DOCK1: variants seen among roughly 807,000 people sequenced by gnomAD.
DOCK1 encodes the protein dedicator of cytokinesis protein 1.
In DOCK1, 138 loss-of-function variants were observed where a neutral mutation model predicts 262.7. The ratio of observed to expected loss-of-function variants is 0.53; its 90% CI spans 0.46 to 0.61. The LOEUF is 0.61. Ranked by LOEUF, DOCK1 falls within the 20% of genes least tolerant of loss-of-function variation. DOCK1 has a pLI of 0.00. For missense variants in DOCK1, 1,908 were observed against 2,370.7 expected, an observed-to-expected ratio of 0.80 and a Z score of 4.05; for synonymous variants, 866 against 867.4, an observed-to-expected ratio of 1.00 and a Z score of 0.03.
chr10:127,085,985 AT>A (rs1278424550), intron 23 of DOCK1, among the ~76,000 whole-genome samples: 1 of 152,120 alleles, frequency 6.6e-6, no homozygotes, highest in African/African-American at 2.4e-5. Flanking sequence ...GCCTTTGGTG[AT>A]TTTATTCATA....
chr10:127,441,406 C>G (rs11018085), intron 49 of DOCK1, among the ~76,000 whole-genome samples: 42,942 of 152,198 alleles, frequency 0.28, 7,041 homozygotes, highest in East Asian at 0.44. Context: ...GCATCTGGCC[C>G]AGTGTCAGCT....
At chr10:127,359,638 A>G (rs1173215932) in intron 32 of DOCK1, among the ~76,000 whole-genome samples, 1 of 152,260 alleles carries the variant, frequency 6.6e-6, no homozygotes, top group Non-Finnish European at 1.5e-5. Context: ...TGAGAATCAC[A>G]CAATGATAGC....
intron 1 of DOCK1, among the ~76,000 whole-genome samples, chr10:126,951,729 A>G (rs1202815762): frequency 6.6e-6 from 1 of 152,042 alleles, no homozygotes; most frequent in African/African-American, 2.4e-5. Flanking sequence ...GCCTGGAGGC[A>G]GAAGACCTAA....
At chr10:127,018,682 G>A (rs775831978) in intron 12 of DOCK1, 28 bp from the exon 13 acceptor site, 15 of 1,613,804 alleles carry the variant, frequency 9.3e-6, no homozygotes, top group Middle Eastern at 3.3e-4. Flanking sequence ...GATAAAATGC[G>A]ACTTAAGAGC....
At chr10:126,940,684 G>A (rs1000875963) in intron 1 of DOCK1, among the ~76,000 whole-genome samples, 2 of 152,210 alleles carry the variant, frequency 1.3e-5, no homozygotes, top group South Asian at 2.1e-4. Context: ...GATTATAGGC[G>A]TGAGCCACTG....
At chr10:127,080,104 G>A (rs1395335867) in intron 23 of DOCK1, among the ~76,000 whole-genome samples, 7 of 152,026 alleles carry the variant, frequency 4.6e-5, no homozygotes, top group Non-Finnish European at 1.0e-4. Flanking sequence ...TTTGCGAGAG[G>A]AATGCAAAAA....
At position 127,362,100 on chromosome 10, in the gene DOCK1, G is replaced by T. The variant is rs1212431084; in HGVS notation, c.3320G>T (p.Gly1107Val). 1 of 1,613,110 alleles carries T rather than the reference G, an allele frequency of 6.2e-7. No homozygotes were observed. The highest frequency in any genetic ancestry group is 8.5e-7 in the Non-Finnish European group (1 of 1,179,666). ...ATAAAGTTCATTCCAGAAATGGTGGGCCCAATATTAGAAATGACATTAATT... is the reference window on the plus strand; with the variant it reads ...ATAAAGTTCATTCCAGAAATGGTGGTCCCAATATTAGAAATGACATTAATT... ...HKIKFIPEMV[G>V]PILEMTLIPE... Residue 1107 changes from glycine to valine, a missense_variant, in exon 33 of 52, where the codon GGC becomes GTC. Around this residue, in one of 9 missense-constraint regions of DOCK1, gnomAD observed 518 missense variants for 575.1 expected, o/e 0.90. Coordinates refer to ENST00000623213, the MANE Select transcript of DOCK1 (RefSeq NM_001290223.2).
chr10:127,034,509 G>T (rs182038020), intron 18 of DOCK1, among the ~76,000 whole-genome samples: 101 of 152,284 alleles, frequency 6.6e-4, no homozygotes, highest in Admixed American at 2.0e-3. Context: ...GTGGTCAGCA[G>T]TGCGGGGCTC....
At chr10:127,276,799 C>T (rs1040150648) in intron 29 of DOCK1, among the ~76,000 whole-genome samples, 2 of 136,128 alleles carry the variant, frequency 1.5e-5, no homozygotes, top group African/African-American at 5.0e-5. Context: ...TTTCCAATTC[C>T]TCTATTGCAG....
intron 51 of DOCK1, among the ~76,000 whole-genome samples, chr10:127,450,524 T>G (rs1196601716): frequency 2.0e-5 from 3 of 152,230 alleles, no homozygotes; most frequent in Non-Finnish European, 2.9e-5. Context: ...ATTCATTTAT[T>G]CACTCATTCA....
intron 1 of DOCK1, among the ~76,000 whole-genome samples, chr10:126,921,149 G>A (rs917465776): frequency 6.7e-6 from 1 of 149,600 alleles, no homozygotes; most frequent in African/African-American, 2.5e-5. Flanking sequence ...GCAGTGAGCC[G>A]AGGTCGCACC....
intron 27 of DOCK1, among the ~76,000 whole-genome samples, chr10:127,141,512 G>C (rs185734736): frequency 8.6e-4 from 131 of 152,218 alleles, no homozygotes; most frequent in Non-Finnish European, 1.8e-3. Context: ...AGACCAGTCT[G>C]GCCAACATGG....
At chr10:127,352,156 G>A (rs990479909) in intron 31 of DOCK1, among the ~76,000 whole-genome samples, 5 of 148,664 alleles carry the variant, frequency 3.4e-5, no homozygotes, top group Admixed American at 1.3e-4. Flanking sequence ...GCAGGGAGGC[G>A]GGGAGGGGTG....
chr10:126,948,762 C>T (rs1177256843), intron 1 of DOCK1, among the ~76,000 whole-genome samples: 4 of 152,036 alleles, frequency 2.6e-5, no homozygotes, highest in Non-Finnish European at 4.4e-5. Context: ...GCTTCCCCTC[C>T]CTGGAATCAT....
At chr10:126,914,590 GT>G (rs2032245727) in intron 1 of DOCK1, among the ~76,000 whole-genome samples, 1 of 152,054 alleles carries the variant, frequency 6.6e-6, no homozygotes, top group East Asian at 1.9e-4. Context: ...TTGGGAGAGG[GT>G]CTTGTTATGT....
At chr10:127,125,034 G>A (rs550300846) in intron 25 of DOCK1, among the ~76,000 whole-genome samples, 121 of 152,086 alleles carry the variant, frequency 8.0e-4, no homozygotes, top group African/African-American at 2.7e-3. Context: ...GGAGAATGGC[G>A]TGAACCTGGG....
At chr10:127,374,864 C>A (rs12571503) in intron 35 of DOCK1, among the ~76,000 whole-genome samples, 215 of 152,218 alleles carry the variant, frequency 1.4e-3, no homozygotes, top group African/African-American at 5.0e-3. Flanking sequence ...AGGATCCCCC[C>A]CTAGAGCTTT....
chr10:127,216,309 T>A (rs1589982086), intron 27 of DOCK1, among the ~76,000 whole-genome samples: 3 of 141,332 alleles, frequency 2.1e-5, no homozygotes, highest in Non-Finnish European at 4.6e-5. Flanking sequence ...GATAATTTAG[T>A]AAAAAAAAAA....
chr10:127,186,506 C>A (rs1452212093), intron 27 of DOCK1, among the ~76,000 whole-genome samples: 4 of 19,170 alleles, frequency 2.1e-4, no homozygotes, highest in South Asian at 2.8e-3. Context: ...TGGGAGAAAC[C>A]GCCCCCCCGC....
Sources: allele counts gnomAD v4.1 joint callset (sites outside exome capture counted in the v4.1 genomes callset), GRCh38; gene constraint gnomAD v4.1.1; regional missense constraint gnomAD v4.1.1; transcripts MANE v1.5; gene names NCBI Gene and HGNC (gene_info 2026-07-23, HGNC 2026-07-21).